Variants in GRIK4 observed in about 807,000 individuals in gnomAD.
GRIK4 encodes the protein glutamate receptor ionotropic, kainate 4.
In GRIK4, 40 loss-of-function variants were observed where a neutral mutation model predicts 104.9. The ratio of observed to expected loss-of-function variants is 0.38; its 90% CI spans 0.30 to 0.50. The LOEUF is 0.50. Ranked by LOEUF, GRIK4 falls within the 20% of genes least tolerant of loss-of-function variation. The probability of loss-of-function intolerance (pLI) is 0.93; values close to 1 mark genes in which losing one functional copy is unlikely to be tolerated. For missense variants in GRIK4, 1,047 were observed against 1,308.1 expected, an observed-to-expected ratio of 0.80 and a Z score of 3.08; for synonymous variants, 485 against 524.9, an observed-to-expected ratio of 0.92 and a Z score of 1.04.
At chr11:120,537,873 C>A (rs1286554676) in intron 1 of GRIK4, among the ~76,000 whole-genome samples, 2 of 150,474 alleles carry the variant, frequency 1.3e-5, no homozygotes, top group African/African-American at 4.9e-5. Flanking sequence ...AAGAAACCAA[C>A]AAACAAACCT....
chr11:120,892,679 C>T (rs1432972561), intron 11 of GRIK4, among the ~76,000 whole-genome samples: 1 of 152,136 alleles, frequency 6.6e-6, no homozygotes, highest in Admixed American at 6.5e-5. Context: ...CAGAAGTGAC[C>T]AGCTTGCTTA....
At chr11:120,639,188 C>G (rs1372300592) in intron 1 of GRIK4, among the ~76,000 whole-genome samples, 1 of 151,922 alleles carries the variant, frequency 6.6e-6, no homozygotes, top group Non-Finnish European at 1.5e-5. Flanking sequence ...GAGTGAAACT[C>G]CATCTCAAAA....
At chr11:120,740,012 A>C (rs1565324658) in intron 3 of GRIK4, among the ~76,000 whole-genome samples, 1 of 152,210 alleles carries the variant, frequency 6.6e-6, no homozygotes, top group Non-Finnish European at 1.5e-5. Flanking sequence ...CTGGTGGCCA[A>C]AGGCTGTGTT....
intron 19 of GRIK4, among the ~76,000 whole-genome samples, chr11:120,969,279 G>A (rs1944435003): frequency 6.6e-6 from 1 of 152,008 alleles, no homozygotes; most frequent in South Asian, 2.1e-4. Context: ...AAAATGGGGG[G>A]GATGCAGAAA....
rs557313735 is a variant in GRIK4 at position 120,794,004 on chromosome 11, G to A, written c.83-8689G>A. Among the ~76,000 whole-genome samples, 15 of 151,346 alleles carry A rather than the reference G, an allele frequency of 9.9e-5. No homozygotes were observed. In the South Asian group the frequency reaches 3.1e-3, roughly 32 times the overall value. On this transcript the variant is annotated intron_variant, in intron 3 of 20. Transcript: ENST00000527524. The stretch of plus-strand genomic sequence containing the variant: ...AGCCGGGTGATGGTTAGAGGTGAGA[G>A]GAGTTGTTAGGGCTGAGAGCCAGGC...
At chr11:120,787,424 G>GTTATTTTATT (rs372142776) in intron 3 of GRIK4, among the ~76,000 whole-genome samples, 1,698 of 151,430 alleles carry the variant, frequency 0.011, 24 homozygotes, top group African/African-American at 0.038. Context: ...TTCTTTTGAT[G>GTTATTTTATT]TTATTTTATT....
At chr11:120,955,809 T>C (rs1339847731) in intron 15 of GRIK4, among the ~76,000 whole-genome samples, 54 of 144,408 alleles carry the variant, frequency 3.7e-4, no homozygotes, top group Admixed American at 3.7e-3. Flanking sequence ...GCAGCAGCAT[T>C]CTTTTTTTTT....
At chr11:120,918,354 C>T (rs1018004557) in intron 13 of GRIK4, among the ~76,000 whole-genome samples, 1 of 152,242 alleles carries the variant, frequency 6.6e-6, no homozygotes, top group Non-Finnish European at 1.5e-5. Context: ...TTACCATCCT[C>T]AGCCAGTGGT....
intron 3 of GRIK4, among the ~76,000 whole-genome samples, chr11:120,795,625 T>C (rs1200639818): frequency 1.3e-5 from 2 of 152,196 alleles, no homozygotes; most frequent in African/African-American, 4.8e-5. Context: ...GCTGAAAAGA[T>C]AGACAAATCA....
intron 3 of GRIK4, among the ~76,000 whole-genome samples, chr11:120,691,043 A>G (rs557211021): frequency 3.0e-4 from 45 of 152,322 alleles, no homozygotes; most frequent in African/African-American, 1.1e-3. Flanking sequence ...TTAGAACAAG[A>G]AAGCCAAAAT....
intron 13 of GRIK4, among the ~76,000 whole-genome samples, chr11:120,915,915 G>A (rs977583716): frequency 2.0e-5 from 3 of 152,222 alleles, no homozygotes; most frequent in Non-Finnish European, 2.9e-5. Flanking sequence ...CACACAGCAA[G>A]TGGCCAGAGC....
chr11:120,756,676 A>C (rs545267360), intron 3 of GRIK4, among the ~76,000 whole-genome samples: 1 of 152,278 alleles, frequency 6.6e-6, no homozygotes, highest in South Asian at 2.1e-4. Flanking sequence ...TGGATCTTCC[A>C]TATTTTCCAT....
intron 1 of GRIK4, among the ~76,000 whole-genome samples, chr11:120,640,904 G>C (rs533485003): frequency 3.3e-5 from 5 of 152,136 alleles, no homozygotes; most frequent in Non-Finnish European, 7.3e-5. Context: ...TGGAGATAGG[G>C]TTTCACCATG....
In GRIK4 at chr11:120,706,473, C is replaced by T. The variant is rs1024994757; in HGVS notation, c.82+46073C>T. 3.9e-5 allele frequency among the ~76,000 whole-genome samples: 6 copies of T among 152,130 alleles called. 1 individual carries two copies. The highest frequency in any genetic ancestry group is 3.9e-4 in the Admixed American group (6 of 15,270). On this transcript the variant is annotated intron_variant, in intron 3 of 20. Transcript: ENST00000527524. ...GAGCATGTGTCTGCCCTGTGTCTCT[C>T]CCCTCCTGCAGGCCTGGAGTCCTTG...
intron 1 of GRIK4, among the ~76,000 whole-genome samples, chr11:120,566,613 T>G (rs1317086180): frequency 6.6e-6 from 1 of 152,332 alleles, no homozygotes; most frequent in East Asian, 1.9e-4. Flanking sequence ...ATAAAGTGGT[T>G]TCATTACTGG....
At chr11:120,554,989 G>T (rs974672368) in intron 1 of GRIK4, among the ~76,000 whole-genome samples, 1 of 152,148 alleles carries the variant, frequency 6.6e-6, no homozygotes, top group East Asian at 1.9e-4. Flanking sequence ...GAGGGAGACC[G>T]CAACCACACT....
At chr11:120,781,191 G>GT (rs1187923857) in intron 3 of GRIK4, among the ~76,000 whole-genome samples, 1 of 136,600 alleles carries the variant, frequency 7.3e-6, no homozygotes, top group East Asian at 2.1e-4. Context: ...TTTTGTGTTT[G>GT]TTTTTTTGGT....
intron 13 of GRIK4, chr11:120,936,274 G>T: frequency 3.9e-6 from 2 of 509,302 alleles, no homozygotes; most frequent in South Asian, 1.4e-5. Context: ...ACATCTTCCA[G>T]CTCCTTTGCA....
chr11:120,837,682 T>TC (rs1491194709), intron 8 of GRIK4, among the ~76,000 whole-genome samples: 1 of 100,964 alleles, frequency 9.9e-6, no homozygotes, highest in African/African-American at 2.9e-5. Flanking sequence ...ACTTGTTTCC[T>TC]TTTTTTTTTT....
Sources: gnomAD v4.1 joint callset for allele counts (sites outside exome capture counted in the v4.1 genomes callset) on GRCh38, gnomAD v4.1.1 for gene constraint, MANE v1.5 for transcripts, NCBI Gene and HGNC (gene_info 2026-07-23, HGNC 2026-07-21) for gene names.